Variants in SAMD5 observed in about 807,000 individuals in gnomAD.
The protein encoded by SAMD5 is sterile alpha motif domain containing 5, also known as sterile alpha motif domain-containing protein 5.
A neutral mutation model predicts 11.3 loss-of-function variants in SAMD5; 13 were observed. The observed-to-expected ratio is 1.15, with a 90% confidence interval of 0.75 to 1.83. The LOEUF is 1.83. Among genes scored for constraint, SAMD5 ranks in the 40% most tolerant of loss-of-function variants. The pLI is 0.00. For missense variants in SAMD5, 255 were observed against 239.1 expected (o/e 1.07, Z -0.44); for synonymous variants, 129 against 111.3 (o/e 1.16, Z -1.00).
chr6:147,549,552 C>T (rs958066409), intron 1 of SAMD5, among the ~76,000 whole-genome samples: 3 of 152,120 alleles, frequency 2.0e-5, no homozygotes, highest in Non-Finnish European at 4.4e-5. Flanking sequence ...GAAAGGTTTT[C>T]CATAATAGAG....
At chr6:147,846,469 T>G in the SAMD5 span, among the ~76,000 whole-genome samples, 1 of 152,132 alleles carries the variant, frequency 6.6e-6, no homozygotes, top group African/African-American at 2.4e-5. Context: ...GAAGAGTCAG[T>G]AAAGGGTACA....
In SAMD5 at chr6:147,536,899, A is replaced by G. The variant is rs1788518900; in HGVS notation, c.460-27495A>G. 2.6e-5 allele frequency among the ~76,000 whole-genome samples: 4 copies of G among 152,140 alleles called. No individual in the cohort carries two copies. The South Asian group carries it at 8.3e-4, about 32-fold the overall frequency. On this transcript the variant is annotated intron_variant, in intron 1 of 1. Transcript: ENST00000367474. ...TTTTATTCTAATGTTATAATTTTCC[A>G]AAGTTATTTATCAGAAACCCACATT...
At chr6:147,790,828 T>C in the SAMD5 span, among the ~76,000 whole-genome samples, 2 of 129,798 alleles carry the variant, frequency 1.5e-5, no homozygotes, top group South Asian at 2.6e-4. Context: ...CTCTCTCTCT[T>C]CTCTGTCTCC....
intron 1 of SAMD5, among the ~76,000 whole-genome samples, chr6:147,583,842 C>CACACACACACAA (rs1404993117): frequency 6.6e-6 from 1 of 151,642 alleles, no homozygotes; most frequent in African/African-American, 2.4e-5. Flanking sequence ...CACACACACA[C>CACACACACACAA]AAAATGGCTA....
At chr6:147,736,513 A>G (rs1299396456) in intron 1 of SAMD5, among the ~76,000 whole-genome samples, 1 of 152,188 alleles carries the variant, frequency 6.6e-6, no homozygotes, top group Non-Finnish European at 1.5e-5. Flanking sequence ...ACATTCATTG[A>G]ACAGCTACTA....
At chr6:147,664,411 C>T (rs767453938) in intron 1 of SAMD5, among the ~76,000 whole-genome samples, 2 of 152,068 alleles carry the variant, frequency 1.3e-5, no homozygotes, top group African/African-American at 2.4e-5. Flanking sequence ...TGTCCTGATA[C>T]TTTTAAGGTC....
chr6:147,723,212 C>G lies in SAMD5; in HGVS notation c.163-14105C>G, dbSNP rs577958204. ...TGAGGGTAAGGCTTTCTCACCATTT[C>G]TGTTCCTTTTTCCCCTTCTCTTTAC... On this transcript the variant is annotated intron_variant, in intron 1 of 1. Transcript: ENST00000566741. Among the ~76,000 whole-genome samples, 4 of 152,270 alleles carry G rather than the reference C, an allele frequency of 2.6e-5. No individual in the cohort carries two copies. The East Asian group carries it at 7.7e-4, about 29-fold the overall frequency.
chr6:147,789,534 C>T, the SAMD5 span, among the ~76,000 whole-genome samples: 1 of 152,134 alleles, frequency 6.6e-6, no homozygotes, highest in Non-Finnish European at 1.5e-5. Context: ...GAGTGCTATT[C>T]TATATGGTCC....
At chr6:147,551,593 G>A (rs1170525765) in intron 1 of SAMD5, among the ~76,000 whole-genome samples, 1 of 151,708 alleles carries the variant, frequency 6.6e-6, no homozygotes, top group African/African-American at 2.4e-5. Context: ...TAAGAAATCA[G>A]CAAGGTGTCT....
the SAMD5 span, among the ~76,000 whole-genome samples, chr6:147,886,717 G>A: frequency 5.9e-5 from 9 of 152,254 alleles, no homozygotes; most frequent in East Asian, 3.9e-4. Context: ...ATAGCTTTGC[G>A]CAGTGGCAGT....
the SAMD5 span, among the ~76,000 whole-genome samples, chr6:147,890,171 T>C: frequency 6.6e-6 from 1 of 151,000 alleles, no homozygotes; most frequent in Non-Finnish European, 1.5e-5. Flanking sequence ...ATTGTTGACA[T>C]GTGTAGCAGA....
chr6:147,628,637 C>G lies in SAMD5; in HGVS notation c.163-108680C>G, dbSNP rs764799938. On this transcript the variant is annotated intron_variant, in intron 1 of 1. Transcript: ENST00000566741. ...CCTAAATCAATGCTTTTCAACAATC[C>G]GTTGAACAGAAAGGATTTTTTTTCA... is the stretch of plus-strand genomic sequence containing the variant. Among the ~76,000 whole-genome samples the G allele has an allele frequency of 2.6e-5, 4 of 151,858 alleles. No homozygotes were observed. The East Asian group carries it at 7.7e-4, about 29-fold the overall frequency.
chr6:147,698,015 G>T (rs1791200282), intron 1 of SAMD5, among the ~76,000 whole-genome samples: 2 of 152,164 alleles, frequency 1.3e-5, no homozygotes, highest in Admixed American at 6.5e-5. Flanking sequence ...AGATCATCAG[G>T]CATTAGTTAG....
At chr6:147,869,549 A>G in the SAMD5 span, among the ~76,000 whole-genome samples, 1 of 152,346 alleles carries the variant, frequency 6.6e-6, no homozygotes, top group Middle Eastern at 3.4e-3. Flanking sequence ...GAGAATACAC[A>G]TGAATGCTAT....
downstream of SAMD5, among the ~76,000 whole-genome samples, chr6:147,574,135 A>T (rs567588004): frequency 1.3e-5 from 2 of 152,160 alleles, no homozygotes; most frequent in Non-Finnish European, 2.9e-5. Context: ...CTCAAAAAAA[A>T]AAAACAAAAA....
intron 1 of SAMD5, among the ~76,000 whole-genome samples, chr6:147,664,875 C>T (rs183462687): frequency 2.0e-4 from 31 of 152,100 alleles, no homozygotes; most frequent in Admixed American, 2.0e-3. Flanking sequence ...TATTGTGTTG[C>T]TTTTTGCTGC....
At chr6:147,761,033 T>A in the SAMD5 span, among the ~76,000 whole-genome samples, 1,759 of 152,284 alleles carry the variant, frequency 0.012, 95 homozygotes, top group East Asian at 0.16. Context: ...TTTTAGCAGT[T>A]TTCATACATG....
At chr6:147,795,311 C>T in the SAMD5 span, among the ~76,000 whole-genome samples, 7 of 144,416 alleles carry the variant, frequency 4.8e-5, no homozygotes, top group South Asian at 2.2e-4. Context: ...TGAGAATATG[C>T]GGTGTTTGGT....
intron 1 of SAMD5, among the ~76,000 whole-genome samples, chr6:147,678,307 C>G (rs1790893733): frequency 6.6e-6 from 1 of 152,118 alleles, no homozygotes; most frequent in Non-Finnish European, 1.5e-5. Context: ...CTAACACAGT[C>G]TCTCATTGTT....
Sources: gnomAD v4.1 joint callset for allele counts (sites outside exome capture counted in the v4.1 genomes callset) on GRCh38, gnomAD v4.1.1 for gene constraint, MANE v1.5 for transcripts, NCBI Gene and HGNC (gene_info 2026-07-23, HGNC 2026-07-21) for gene names.